EXPH5: variants seen among roughly 807,000 people sequenced by gnomAD.
EXPH5 encodes exophilin 5, also known as exophilin-5.
In EXPH5, 42 loss-of-function variants were observed where a neutral mutation model predicts 41.1. That is an observed-to-expected ratio of 1.02 (90% CI 0.80 to 1.32). The LOEUF (loss-of-function observed/expected upper bound fraction) is 1.32, where lower values mean the gene tolerates loss of function less well. EXPH5 is among the 40% of genes most tolerant of loss of function. EXPH5 has a pLI of 0.00. For missense variants in EXPH5, 2,298 were observed against 2,314.5 expected, an observed-to-expected ratio of 0.99 and a Z score of 0.15; for synonymous variants, 798 against 833.5, an observed-to-expected ratio of 0.96 and a Z score of 0.73.
At chr11:108,585,957 G>A (rs2094111743) in intron 1 of EXPH5, among the ~76,000 whole-genome samples, 1 of 152,124 alleles carries the variant, frequency 6.6e-6, no homozygotes, top group Admixed American at 6.5e-5. Flanking sequence ...TATTTATTTT[G>A]AGATGAAGTC....
At chr11:108,592,048 T>C (rs1015642198) in intron 1 of EXPH5, among the ~76,000 whole-genome samples, 2 of 152,166 alleles carry the variant, frequency 1.3e-5, no homozygotes, top group Admixed American at 6.5e-5. Context: ...CTGAAATTCT[T>C]CTTCTGAAAG....
At chr11:108,569,468 T>C (rs1465252333) in intron 1 of EXPH5, among the ~76,000 whole-genome samples, 1 of 151,226 alleles carries the variant, frequency 6.6e-6, no homozygotes, top group African/African-American at 2.5e-5. Context: ...GCCTCCCGAG[T>C]AGCTGAGATT....
At chr11:108,522,621 C>G (rs1289110600) in intron 4 of EXPH5, among the ~76,000 whole-genome samples, 7 of 152,148 alleles carry the variant, frequency 4.6e-5, no homozygotes, top group South Asian at 2.1e-4. Flanking sequence ...CAGGCATTCT[C>G]TGAAGCCAAA....
intron 1 of EXPH5, among the ~76,000 whole-genome samples, chr11:108,586,120 G>A (rs1370932602): frequency 3.3e-5 from 5 of 152,108 alleles, no homozygotes; most frequent in African/African-American, 7.2e-5. Context: ...TGTATTTTTA[G>A]TAGAGACAGA....
chr11:108,557,759 A>C (rs1184561047), intron 1 of EXPH5, among the ~76,000 whole-genome samples: 1 of 152,196 alleles, frequency 6.6e-6, no homozygotes, highest in African/African-American at 2.4e-5. Flanking sequence ...AACTACAAGC[A>C]TGAGGACGTT....
At chr11:108,592,233 C>T (rs979519177) in intron 1 of EXPH5, among the ~76,000 whole-genome samples, 5 of 152,174 alleles carry the variant, frequency 3.3e-5, no homozygotes, top group Admixed American at 1.3e-4. Flanking sequence ...ATTCCCCAAC[C>T]TCAAATATTC....
chr11:108,531,264 T>G (rs1372579874), intron 3 of EXPH5, among the ~76,000 whole-genome samples: 3 of 152,264 alleles, frequency 2.0e-5, no homozygotes, highest in African/African-American at 7.2e-5. Context: ...ATCAACTTCC[T>G]GCCTAAAAAT....
At position 108,514,196 on chromosome 11, in the gene EXPH5, C is replaced by T; in HGVS notation, c.1311G>A (p.Met437Ile). 1.2e-6 allele frequency: 2 copies of T among 1,614,218 alleles called. No individual in the cohort carries two copies. Among genetic ancestry groups the T allele is most frequent in the East Asian group, 2.2e-5 (1 of 44,886 alleles). ...VSLNAPMENA[M>I]SPDTFENSEN... Reference sequence around the variant, plus strand: ...CTGAGTTCTCAAAAGTGTCGGGACTCATTGCATTCTCCATGGGAGCATTTA... The same window carrying T: ...CTGAGTTCTCAAAAGTGTCGGGACTTATTGCATTCTCCATGGGAGCATTTA... Residue 437 changes from methionine (M) to isoleucine (I), a missense_variant, in exon 6 of 6, where the codon ATG (methionine) becomes ATA (isoleucine). By Grantham distance (10) the Met-to-Ile change is conservative (BLOSUM62 1). Transcript: ENST00000265843.
the EXPH5 span, among the ~76,000 whole-genome samples, chr11:108,601,952 T>A: frequency 6.6e-6 from 1 of 152,102 alleles, no homozygotes; most frequent in African/African-American, 2.4e-5. Flanking sequence ...TTTCACCATG[T>A]TGGCCAGGCT....
chr11:108,602,440 C>A, the EXPH5 span, among the ~76,000 whole-genome samples: 1 of 152,082 alleles, frequency 6.6e-6, no homozygotes, highest in Non-Finnish European at 1.5e-5. Flanking sequence ...GGGGTGTATC[C>A]AATGTAGATT....
At chr11:108,583,780 C>T (rs1003460349) in intron 1 of EXPH5, among the ~76,000 whole-genome samples, 4 of 152,174 alleles carry the variant, frequency 2.6e-5, no homozygotes, top group African/African-American at 9.6e-5. Flanking sequence ...AATGTCAATA[C>T]TCCTATTCAA....
chr11:108,577,210 G>T (rs1214115892), intron 1 of EXPH5, among the ~76,000 whole-genome samples: 1 of 152,122 alleles, frequency 6.6e-6, no homozygotes, highest in African/African-American at 2.4e-5. Context: ...ACATGGAAGT[G>T]CAGAGATCTT....
At chr11:108,540,213 C>G (rs1014193618) in intron 2 of EXPH5, among the ~76,000 whole-genome samples, 1 of 152,102 alleles carries the variant, frequency 6.6e-6, no homozygotes, top group African/African-American at 2.4e-5. Context: ...ATCCCAGCTA[C>G]TCAGGAGGCT....
chr11:108,555,889 A>G (rs2093987414), intron 1 of EXPH5, among the ~76,000 whole-genome samples: 1 of 152,154 alleles, frequency 6.6e-6, no homozygotes, highest in Non-Finnish European at 1.5e-5. Flanking sequence ...TCTTTCCTTT[A>G]TAAATTACCC....
the EXPH5 span, among the ~76,000 whole-genome samples, chr11:108,606,396 C>T: frequency 6.6e-6 from 1 of 152,188 alleles, no homozygotes; most frequent in Non-Finnish European, 1.5e-5. Flanking sequence ...TCTTTCTTAC[C>T]CATCCTAAGT....
chr11:108,582,469 GAA>G (rs576403912), intron 1 of EXPH5, among the ~76,000 whole-genome samples: 2 of 131,666 alleles, frequency 1.5e-5, no homozygotes, highest in Non-Finnish European at 1.7e-5. Context: ...CTGTCACAAA[GAA>G]AAAAAAAAAA....
intron 1 of EXPH5, among the ~76,000 whole-genome samples, chr11:108,580,507 T>C (rs1036689203): frequency 2.6e-5 from 4 of 152,138 alleles, no homozygotes; most frequent in African/African-American, 9.7e-5. Context: ...GGAAGGTCCT[T>C]CAAGACACTA....
Position 108,514,724 on chromosome 11 carries a change from T to G in EXPH5, c.783A>C (p.Lys261Asn), listed in dbSNP as rs762110090. The G allele has an allele frequency of 3.1e-6, 5 of 1,609,864 alleles. No homozygotes were observed. Among genetic ancestry groups the G allele is most frequent in the Non-Finnish European group, 4.2e-6 (5 of 1,178,764 alleles). The change falls in exon 6 of 6, where the codon AAA becomes AAC. Residue 261 changes from lysine to asparagine, a missense_variant. Transcript: ENST00000265843. ...ACATATTGGAAGTTTCATTATAGTG[T>G]TTTTTGTGCCTTTCTGTGATATTAC... ...RHGNITERHK[K>N]HYNETSNMSI... is the part of the protein sequence containing the mutation.
rs762089321 is a variant in EXPH5, at chr11:108,511,581, G to A, written c.3926C>T (p.Pro1309Leu). The A allele has an allele frequency of 6.2e-7, 1 of 1,613,308 alleles. No homozygotes were observed. Among genetic ancestry groups the A allele is most frequent in the African/African-American group, 1.3e-5 (1 of 74,890 alleles). The change falls in exon 6 of 6, where the codon CCT becomes CTT. Residue 1309 changes from proline to leucine, a missense_variant. By Grantham distance (98) the Pro-to-Leu change is moderately conservative (BLOSUM62 -3). Coordinates refer to ENST00000265843, the MANE Select transcript of EXPH5 (RefSeq NM_015065.3). ...GGACATCTTTAGATTTTCACATGAAGGTGTTCCTGACTGCTCTCGTGTAGA... is the reference window on the plus strand; with the variant it reads ...GGACATCTTTAGATTTTCACATGAAAGTGTTCCTGACTGCTCTCGTGTAGA... ...NYSTREQSGT[P>L]SCENLKMSVN...
Sources: gnomAD v4.1 joint callset for allele counts (sites outside exome capture counted in the v4.1 genomes callset) on GRCh38, gnomAD v4.1.1 for gene constraint, MANE v1.5 for transcripts, NCBI Gene and HGNC (gene_info 2026-07-23, HGNC 2026-07-21) for gene names.